DNAJA3: variants seen among roughly 807,000 people sequenced by gnomAD.
DNAJA3 encodes DnaJ heat shock protein family (Hsp40) member A3.
A neutral mutation model predicts 54.9 loss-of-function variants in DNAJA3; 29 were observed. That is an observed-to-expected ratio of 0.53 (90% CI 0.39 to 0.72). The LOEUF (loss-of-function observed/expected upper bound fraction) is 0.72, where lower values mean the gene tolerates loss of function less well. Among genes scored for constraint, DNAJA3 ranks in the 30% least tolerant of loss-of-function variants. DNAJA3 has a pLI of 0.00. For synonymous variants in DNAJA3, 302 were observed against 251.4 expected (o/e 1.20, Z -1.90); for missense variants, 708 against 639.4 (o/e 1.11, Z -1.16).
intron 2 of DNAJA3, 74 bp from the exon 3 acceptor site, chr16:4,437,328 A>G: frequency 8.0e-7 from 1 of 1,252,892 alleles, no homozygotes; most frequent in Non-Finnish European, 1.2e-6. Flanking sequence ...GTTCTGTTGT[A>G]TCGGGGGTTT....
intron 3 of DNAJA3, chr16:4,437,690 G>A: frequency 4.1e-6 from 2 of 485,446 alleles, no homozygotes; most frequent in Non-Finnish European, 7.3e-6. Context: ...CTAGCACTTT[G>A]GGAAGCTGAG....
rs1139653 is a variant in DNAJA3, at chr16:4,434,395, A to T, written c.223A>T (p.Asn75Tyr). ...TTTTTCCTTTTTAGGAACAAAACAT[A>T]ACCCTTTCATTTGTACTGCCTCCTT... is the stretch of plus-strand genomic sequence containing the variant. ...PGVSLTGTKH[N>Y]PFICTASFHT... is the part of the protein sequence containing the mutation. The change falls in exon 2 of 12, where the codon AAC becomes TAC. Residue 75 changes from asparagine (N) to tyrosine (Y), a missense_variant. Coordinates refer to ENST00000262375, the MANE Select transcript of DNAJA3 (RefSeq NM_005147.6). The T allele has an allele frequency of 0.7, 1,133,463 of 1,611,760 alleles. 400,514 individuals carry two copies. Among genetic ancestry groups the T allele is most frequent in the Non-Finnish European group, 0.72 (852,512 of 1,179,302 alleles).
At chr16:4,434,664 C>T in intron 2 of DNAJA3, 147 bp downstream of exon 2, 1 of 1,031,920 alleles carries the variant, frequency 9.7e-7, no homozygotes, top group Non-Finnish European at 1.4e-6. Context: ...CTGGACTTTG[C>T]TAGACTGTTT....
intron 6 of DNAJA3, among the ~76,000 whole-genome samples, chr16:4,443,693 TTTTTC>T (rs2056866232): frequency 6.6e-6 from 1 of 151,442 alleles, no homozygotes; most frequent in Non-Finnish European, 1.5e-5. Flanking sequence ...TGTTCTTTTT[TTTTTC>T]TTTTTTGAGA....
intron 10 of DNAJA3, among the ~76,000 whole-genome samples, chr16:4,453,455 G>A (rs1472656374): frequency 7.1e-6 from 1 of 141,132 alleles, no homozygotes; most frequent in Non-Finnish European, 1.5e-5. Context: ...TTCTTTTTTT[G>A]GAGACGGAGT....
chr16:4,441,456 C>T lies in DNAJA3; in HGVS notation c.511C>T (p.His171Tyr), dbSNP rs780596051. ...CGATCCTGGGGCCAGCGGCTCCCAG[C>T]ATAGCTACTGGAAGGGAGGCCCCAC... is the stretch of plus-strand genomic sequence containing the variant. ...GFDPGASGSQ[H>Y]SYWKGGPTVD... The change falls in exon 4 of 12, where the codon CAT (histidine) becomes TAT (tyrosine). Residue 171 changes from histidine to tyrosine, a missense_variant. Coordinates refer to ENST00000262375, the MANE Select transcript of DNAJA3 (RefSeq NM_005147.6). 3 of 1,614,062 alleles carry T rather than the reference C, an allele frequency of 1.9e-6. No individual in the cohort carries two copies. The African/African-American group carries it at 4.0e-5, about 22-fold the overall frequency.
chr16:4,455,493 T>C, intron 11 of DNAJA3, 53 bp from the exon 12 acceptor site: 2 of 1,545,010 alleles, frequency 1.3e-6, no homozygotes, highest in Non-Finnish European at 1.8e-6. Flanking sequence ...CCCACAGGGG[T>C]GTGTTCCCTT....
chr16:4,437,364 C>T (rs781160134), intron 2 of DNAJA3, 38 bp from the exon 3 acceptor site: 5 of 1,562,894 alleles, frequency 3.2e-6, no homozygotes, highest in Non-Finnish European at 4.4e-6. Flanking sequence ...TTGGGGTTCA[C>T]ATTGTATCTG....
intron 10 of DNAJA3, among the ~76,000 whole-genome samples, chr16:4,453,485 C>T (rs971605549): frequency 1.3e-5 from 2 of 151,096 alleles, no homozygotes; most frequent in Admixed American, 6.6e-5. Flanking sequence ...TCACCCGGGC[C>T]GGAGTGCAGT....
At chr16:4,446,687 A>G (rs1197907569) in intron 7 of DNAJA3, among the ~76,000 whole-genome samples, 199 bp from the exon 8 acceptor site, 1 of 152,202 alleles carries the variant, frequency 6.6e-6, no homozygotes, top group Non-Finnish European at 1.5e-5. Context: ...GCAGTGTTGA[A>G]ATATGTAGAA....
intron 10 of DNAJA3, 51 bp from the exon 11 acceptor site, chr16:4,454,760 C>A: frequency 7.0e-7 from 1 of 1,423,408 alleles, no homozygotes; most frequent in Non-Finnish European, 9.9e-7. Flanking sequence ...TGGGATGTGA[C>A]TGTGGAAGTG....
At chr16:4,433,616 G>A (rs1032517491) in intron 1 of DNAJA3, among the ~76,000 whole-genome samples, 1 of 152,192 alleles carries the variant, frequency 6.6e-6, no homozygotes, top group Admixed American at 6.5e-5. Flanking sequence ...ACCCAAGGCT[G>A]CAAGATAGAG....
At chr16:4,443,727 C>A (rs1454927129) in intron 6 of DNAJA3, among the ~76,000 whole-genome samples, 1 of 151,888 alleles carries the variant, frequency 6.6e-6, no homozygotes, top group African/African-American at 2.4e-5. Flanking sequence ...CGCTCTGTCA[C>A]CCAGGCTGGA....
chr16:4,439,907 C>T (rs1287992072), intron 3 of DNAJA3, among the ~76,000 whole-genome samples: 2 of 152,082 alleles, frequency 1.3e-5, no homozygotes, highest in Admixed American at 6.6e-5. Flanking sequence ...TTGGAGGAAG[C>T]GTACTCTTTT....
chr16:4,436,479 C>T (rs533651958), intron 2 of DNAJA3, among the ~76,000 whole-genome samples: 52 of 152,190 alleles, frequency 3.4e-4, no homozygotes, highest in Non-Finnish European at 4.7e-4. Flanking sequence ...TATTTACCTA[C>T]AAAAATAATT....
intron 3 of DNAJA3, 101 bp from the exon 4 acceptor site, chr16:4,441,274 C>A: frequency 8.7e-7 from 1 of 1,145,542 alleles, no homozygotes; most frequent in Non-Finnish European, 1.2e-6. Flanking sequence ...CACAGGGCCA[C>A]TTAATAAATG....
chr16:4,434,063 C>A, intron 1 of DNAJA3: 1 of 302,176 alleles, frequency 3.3e-6, no homozygotes, highest in South Asian at 3.8e-5. Flanking sequence ...GAAGCAAACA[C>A]ATCCTTCTTA....
chr16:4,433,368 C>T (rs2056730829), intron 1 of DNAJA3: 1 of 152,208 alleles, frequency 6.6e-6, no homozygotes, highest in African/African-American at 2.4e-5. Flanking sequence ...CCTAGAAGTT[C>T]TTCCCCGACC....
At chr16:4,454,590 T>C (rs954097706) in intron 10 of DNAJA3, among the ~76,000 whole-genome samples, 1 of 152,210 alleles carries the variant, frequency 6.6e-6, no homozygotes, top group Non-Finnish European at 1.5e-5. Flanking sequence ...GAAAGAGCAG[T>C]TGGGAGACCC....
Sources: allele counts gnomAD v4.1 joint callset (sites outside exome capture counted in the v4.1 genomes callset), GRCh38; gene constraint gnomAD v4.1.1; transcripts MANE v1.5; gene names NCBI Gene and HGNC (gene_info 2026-07-23, HGNC 2026-07-21).